The following DCC variants were observed in gnomAD, a reference collection of about 807,000 sequenced individuals.
DCC encodes netrin receptor DCC.
A neutral mutation model predicts 172.5 loss-of-function variants in DCC; 58 were observed. The observed-to-expected ratio is 0.34, with a 90% CI of 0.27 to 0.42. DCC has a LOEUF of 0.42. Ranked by LOEUF, DCC falls within the 10% of genes least tolerant of loss-of-function variation. The pLI is 1.00. For missense variants in DCC, 1,740 were observed against 1,791.0 expected (o/e 0.97, Z 0.51); for synonymous variants, 709 against 644.5 (o/e 1.10, Z -1.52).
intron 1 of DCC, among the ~76,000 whole-genome samples, chr18:52,341,798 G>A (rs1330020384): frequency 6.6e-6 from 1 of 152,188 alleles, no homozygotes; most frequent in Non-Finnish European, 1.5e-5. Context: ...TGTTTTGCGG[G>A]ACCTCACCGC....
intron 22 of DCC, among the ~76,000 whole-genome samples, chr18:53,448,384 G>C (rs964536564): frequency 2.0e-5 from 3 of 152,110 alleles, no homozygotes; most frequent in Admixed American, 6.6e-5. Flanking sequence ...TGAGCAAAAG[G>C]GGGGAAAGGA....
chr18:53,207,801 G>C lies in DCC; in HGVS notation c.1845G>C (p.Val615=). ...GPGVSTDDIT[V]VTLSDVPSAP... ...GCGTCTCTACTGATGATATAACAGT[G>C]GTTACACTTTCTGACGGTAAGTTAA... The change falls in exon 11 of 29, where the codon GTG becomes GTC. Residue 615 remains valine (V), a synonymous_variant. Transcript: ENST00000442544. The C allele has an allele frequency of 6.2e-7, 1 of 1,612,050 alleles. No individual in the cohort carries two copies. Among genetic ancestry groups the C allele is most frequent in the Non-Finnish European group, 8.5e-7 (1 of 1,178,282 alleles).
chr18:53,219,821 A>G (rs2055903866), intron 12 of DCC, among the ~76,000 whole-genome samples: 1 of 152,180 alleles, frequency 6.6e-6, no homozygotes, highest in Non-Finnish European at 1.5e-5. Context: ...CAAAAACTAT[A>G]CAGTAGGAGA....
At chr18:52,981,945 C>T (rs1345768396) in intron 5 of DCC, among the ~76,000 whole-genome samples, 5 of 151,884 alleles carry the variant, frequency 3.3e-5, no homozygotes, top group Admixed American at 2.0e-4. Context: ...TAGAAGAAAT[C>T]GAGGCAAGAA....
chr18:52,667,215 G>A (rs1693647483), intron 1 of DCC, among the ~76,000 whole-genome samples: 1 of 152,124 alleles, frequency 6.6e-6, no homozygotes, highest in African/African-American at 2.4e-5. Flanking sequence ...GCCTTCCCAG[G>A]GCTGAAGGTA....
chr18:53,453,541 T>G (rs2045444364), intron 23 of DCC, among the ~76,000 whole-genome samples: 2 of 112,986 alleles, frequency 1.8e-5, no homozygotes, highest in South Asian at 5.0e-4. Context: ...TAATATCTTA[T>G]TCAGGTTAAG....
chr18:52,848,389 C>T (rs2038928483), intron 2 of DCC, among the ~76,000 whole-genome samples: 1 of 152,024 alleles, frequency 6.6e-6, no homozygotes, highest in Non-Finnish European at 1.5e-5. Flanking sequence ...GCCCGGCCGA[C>T]TTTTCTAATG....
intron 7 of DCC, among the ~76,000 whole-genome samples, chr18:53,079,921 T>G (rs985355007): frequency 3.3e-5 from 5 of 152,162 alleles, no homozygotes; most frequent in African/African-American, 1.2e-4. Flanking sequence ...TCACAGAGTA[T>G]CTTTTAGAAT....
intron 12 of DCC, among the ~76,000 whole-genome samples, chr18:53,267,038 A>G (rs2144696519): frequency 6.6e-6 from 1 of 151,994 alleles, no homozygotes; most frequent in Non-Finnish European, 1.5e-5. Flanking sequence ...TTGGTAGACA[A>G]CTAGATTAAT....
chr18:53,317,877 CTTCT>C (rs1190171089), intron 13 of DCC, among the ~76,000 whole-genome samples: 2 of 152,018 alleles, frequency 1.3e-5, no homozygotes, highest in Non-Finnish European at 2.9e-5. Context: ...TCTCTCTTTT[CTTCT>C]TTATTTGTCT....
At chr18:52,880,348 A>T (rs966904340) in intron 2 of DCC, among the ~76,000 whole-genome samples, 4 of 152,150 alleles carry the variant, frequency 2.6e-5, no homozygotes, top group African/African-American at 9.6e-5. Context: ...TGGTTTCACC[A>T]TGTTGGCCAG....
chr18:52,345,288 G>C (rs561323122), intron 1 of DCC, among the ~76,000 whole-genome samples: 2 of 152,158 alleles, frequency 1.3e-5, no homozygotes, highest in East Asian at 3.9e-4. Context: ...ACTTGGTTCT[G>C]GAAAAGTACT....
In DCC at chr18:53,486,846, A is replaced by C. The variant is rs2045906425; in HGVS notation, c.3786A>C (p.Pro1262=). The change falls in exon 26 of 29, where the codon CCA becomes CCC. Residue 1262 remains proline (P), a synonymous_variant. Coordinates refer to ENST00000442544, the MANE Select transcript of DCC (RefSeq NM_005215.4). The part of the protein sequence containing the change: ...PVPTLESAQY[P]GILPSPTCGY... ...CAACGCTAGAAAGTGCCCAGTACCC[A>C]GGAATCCTCCCGTCTCCCACCTGTG... 5 of 1,614,018 alleles carry C rather than the reference A, an allele frequency of 3.1e-6. No homozygotes were observed. In the Admixed American group the frequency reaches 8.3e-5, roughly 27 times the overall value.
chr18:52,566,819 G>GTA lies in DCC; in HGVS notation c.92-185235_92-185234insTA, dbSNP rs1304186011. ...GGGCAAAGTAAAATGGTTTATTTGG[G>GTA]CTTGCCATTAATACGCTGTAGAAAT... On this transcript the variant is annotated intron_variant, in intron 1 of 28. Coordinates refer to ENST00000442544, the MANE Select transcript of DCC (RefSeq NM_005215.4). 4.9e-4 allele frequency among the ~76,000 whole-genome samples: 75 copies of GTA among 152,126 alleles called. 1 individual carries two copies. Among genetic ancestry groups the GTA allele is most frequent in the African/African-American group, 1.8e-3 (74 of 41,504 alleles).
chr18:52,765,095 C>A (rs1171032780), intron 2 of DCC, among the ~76,000 whole-genome samples: 1 of 149,618 alleles, frequency 6.7e-6, no homozygotes, highest in Non-Finnish European at 1.5e-5. Flanking sequence ...GTGATGTGAT[C>A]TCAGCTCACT....
At chr18:53,291,188 T>C (rs2057000635) in intron 12 of DCC, among the ~76,000 whole-genome samples, 1 of 151,958 alleles carries the variant, frequency 6.6e-6, no homozygotes, top group Admixed American at 6.6e-5. Context: ...AGAAAAAAGA[T>C]ATTGGAGTAT....
rs11315976 is a variant in DCC, at chr18:52,953,000, C to CAAAAAAAAAAAAA, written c.985+27646_985+27658dup. 2.1e-4 allele frequency among the ~76,000 whole-genome samples: 11 copies of CAAAAAAAAAAAAA among 52,214 alleles called. 1 individual carries two copies. The highest frequency in any genetic ancestry group is 4.1e-4 in the African/African-American group (5 of 12,254). 34.3% of individuals were successfully genotyped at this position (52,214 alleles called of 152,430 possible). On this transcript the variant is annotated intron_variant, in intron 5 of 28. Transcript: ENST00000442544. Reference sequence around the variant, plus strand: ...GCACCACAGTAAGACTCTCCTGTCTCAAAAAAAAAAAAAAAAAAAAAAAAA... The same window carrying CAAAAAAAAAAAAA: ...GCACCACAGTAAGACTCTCCTGTCTCAAAAAAAAAAAAAAAAAAAAAAAAAAAAAAAAAAAAAA...
At chr18:52,625,632 C>T (rs140728709) in intron 1 of DCC, among the ~76,000 whole-genome samples, 25 of 152,284 alleles carry the variant, frequency 1.6e-4, no homozygotes, top group Non-Finnish European at 2.9e-4. Flanking sequence ...AACAACCTCT[C>T]GGCTCTACCT....
chr18:53,207,048 T>C (rs981912688), intron 10 of DCC, among the ~76,000 whole-genome samples: 5 of 152,186 alleles, frequency 3.3e-5, no homozygotes, highest in African/African-American at 1.2e-4. Flanking sequence ...TATCTGCCTT[T>C]CTATATATTT....
Sources: allele counts gnomAD v4.1 joint callset (sites outside exome capture counted in the v4.1 genomes callset), GRCh38; gene constraint gnomAD v4.1.1; transcripts MANE v1.5; gene names NCBI Gene and HGNC (gene_info 2026-07-23, HGNC 2026-07-21).